Variants in TM2D1 observed in about 807,000 individuals in gnomAD.
The protein encoded by TM2D1 is TM2 domain containing 1, also known as TM2 domain-containing protein 1.
TM2D1 carries 15 observed loss-of-function variants against 28.4 expected under a neutral mutation model. That is an observed-to-expected ratio of 0.53 (90% CI 0.35 to 0.81). TM2D1 has a LOEUF of 0.81. Among genes scored for constraint, TM2D1 ranks in the 40% least tolerant of loss-of-function variants. The pLI, the probability that TM2D1 is intolerant of heterozygous loss-of-function variation, is 0.01. For synonymous variants in TM2D1, 93 were observed against 96.2 expected, an observed-to-expected ratio of 0.97 and a Z score of 0.20; for missense variants, 236 against 254.9, an observed-to-expected ratio of 0.93 and a Z score of 0.50.
chr1:61,712,200 C>G lies in TM2D1; in HGVS notation c.239-2763G>C, dbSNP rs1246377882. ...AAACATCCTACAGTGCACAAGATAG[C>G]CTCCCCACAACAATGAATTACCCAG... On this transcript the variant is annotated intron_variant, in intron 2 of 6. Coordinates refer to ENST00000606498, the MANE Select transcript of TM2D1 (RefSeq NM_032027.3). Among the ~76,000 whole-genome samples, 8 of 152,186 alleles carry G rather than the reference C, an allele frequency of 5.3e-5. No individual in the cohort carries two copies. In the East Asian group the frequency reaches 1.5e-3, roughly 29 times the overall value.
chr1:61,691,366 G>A (rs973049248), intron 5 of TM2D1, among the ~76,000 whole-genome samples: 3 of 151,584 alleles, frequency 2.0e-5, no homozygotes, highest in Non-Finnish European at 2.9e-5. Context: ...ATAGTGGTGC[G>A]TGCCTGTAAT....
At chr1:61,700,175 A>G (rs1644391590) in intron 4 of TM2D1, 1 of 1,526,840 alleles carries the variant, frequency 6.5e-7, no homozygotes, top group African/African-American at 1.4e-5. Flanking sequence ...CAATTTTCCT[A>G]TCCATAAAAC....
At chr1:61,706,583 T>C (rs2148054247) in intron 3 of TM2D1, among the ~76,000 whole-genome samples, 1 of 151,810 alleles carries the variant, frequency 6.6e-6, no homozygotes, top group South Asian at 2.1e-4. Context: ...CCAAAGCAGG[T>C]GGATCACCTG....
Position 61,721,587 on chromosome 1 carries a change from T to C in TM2D1, c.238+2126A>G, listed in dbSNP as rs115006259. On this transcript the variant is annotated intron_variant, in intron 2 of 6. Coordinates refer to ENST00000606498, the MANE Select transcript of TM2D1 (RefSeq NM_032027.3). ...AAGAAAAAGAAAAGTAAACATAGTT[T>C]GAGAATTTCACAATAGTTCTTCATA... Among the ~76,000 whole-genome samples, 489 of 151,372 alleles carry C rather than the reference T, an allele frequency of 3.2e-3. 2 individuals carry two copies. Among genetic ancestry groups the C allele is most frequent in the African/African-American group, 0.011 (461 of 41,366 alleles).
At chr1:61,700,823 C>G in intron 4 of TM2D1, 111 bp downstream of exon 4, 1 of 756,518 alleles carries the variant, frequency 1.3e-6, no homozygotes, top group Non-Finnish European at 2.1e-6. Flanking sequence ...CTACTCAACT[C>G]CAATTATATA....
intron 2 of TM2D1, among the ~76,000 whole-genome samples, chr1:61,721,279 C>A (rs113901894): frequency 1.3e-5 from 2 of 151,506 alleles, no homozygotes; most frequent in African/African-American, 4.8e-5. Flanking sequence ...CAGTGGCTCA[C>A]ACCTATAATC....
rs1644417040 is a variant in TM2D1 at position 61,703,379 on chromosome 1, T to C, written c.348-2354A>G. ...TATTACTATATATAATATACTAGTA[T>C]ATATTATATATACATATATATATGT... is the stretch of plus-strand genomic sequence containing the variant. On this transcript the variant is annotated intron_variant, in intron 3 of 6. Coordinates refer to ENST00000606498, the MANE Select transcript of TM2D1 (RefSeq NM_032027.3). 3.4e-5 allele frequency among the ~76,000 whole-genome samples: 5 copies of C among 146,858 alleles called. No individual in the cohort carries two copies. In the South Asian group the frequency reaches 1.1e-3, roughly 31 times the overall value.
intron 5 of TM2D1, among the ~76,000 whole-genome samples, chr1:61,688,551 C>T (rs576603314): frequency 4.6e-5 from 7 of 152,126 alleles, no homozygotes; most frequent in Non-Finnish European, 8.8e-5. Context: ...GGTGAAATCC[C>T]GTGTTTACTA....
At chr1:61,684,767 CTCTT>C (rs1644271572) in intron 5 of TM2D1, among the ~76,000 whole-genome samples, 2 of 151,858 alleles carry the variant, frequency 1.3e-5, no homozygotes, top group African/African-American at 4.8e-5. Context: ...GAAGTTTTCT[CTCTT>C]TCATTTGTTT....
At chr1:61,687,056 G>C (rs1644290232) in intron 5 of TM2D1, 1 of 847,644 alleles carries the variant, frequency 1.2e-6, no homozygotes, top group Non-Finnish European at 1.4e-6. Context: ...GAAATATCCT[G>C]AAGCTGGCTG....
chr1:61,695,631 T>C (rs1644358284), intron 4 of TM2D1, among the ~76,000 whole-genome samples: 1 of 152,140 alleles, frequency 6.6e-6, no homozygotes, highest in South Asian at 2.1e-4. Flanking sequence ...CTAAAAATCC[T>C]AAGAGAGGAT....
intron 4 of TM2D1, 109 bp downstream of exon 4, chr1:61,700,824 CA>C: frequency 1.3e-6 from 1 of 764,048 alleles, no homozygotes; most frequent in Non-Finnish European, 2.1e-6. Context: ...TACTCAACTC[CA>C]ATTATATAGA....
chr1:61,700,328 A>G (rs190493033), intron 4 of TM2D1: 4 of 1,414,848 alleles, frequency 2.8e-6, no homozygotes, highest in South Asian at 1.7e-5. Context: ...TAAGTCTTCA[A>G]TAAGGGCAGG....
At chr1:61,684,295 C>T (rs1644268006) in intron 5 of TM2D1, among the ~76,000 whole-genome samples, 1 of 152,108 alleles carries the variant, frequency 6.6e-6, no homozygotes, top group Admixed American at 6.5e-5. Flanking sequence ...AGAAATCAAT[C>T]CTGAGAGCTT....
chr1:61,723,018 A>G (rs373010744), intron 2 of TM2D1, among the ~76,000 whole-genome samples: 3 of 152,194 alleles, frequency 2.0e-5, no homozygotes, highest in African/African-American at 7.2e-5. Flanking sequence ...TTCTATCCCA[A>G]AAGAAGTCTG....
intron 5 of TM2D1, among the ~76,000 whole-genome samples, chr1:61,690,312 C>A (rs1267238263): frequency 6.6e-6 from 1 of 151,804 alleles, no homozygotes; most frequent in Non-Finnish European, 1.5e-5. Context: ...CAAAAATTAG[C>A]CAGGTGTGGT....
intron 2 of TM2D1, among the ~76,000 whole-genome samples, chr1:61,723,460 G>A (rs2148072577): frequency 6.6e-6 from 1 of 152,218 alleles, no homozygotes; most frequent in East Asian, 1.9e-4. Context: ...ACTGAATCTG[G>A]GAACATCCAC....
At chr1:61,711,229 C>G (rs1644476382) in intron 2 of TM2D1, among the ~76,000 whole-genome samples, 1 of 149,818 alleles carries the variant, frequency 6.7e-6, no homozygotes, top group Non-Finnish European at 1.5e-5. Flanking sequence ...ACATGAGAGG[C>G]TGGGGCAGGA....
At chr1:61,714,442 G>A (rs1324621750) in intron 2 of TM2D1, among the ~76,000 whole-genome samples, 2 of 152,090 alleles carry the variant, frequency 1.3e-5, no homozygotes, top group African/African-American at 4.8e-5. Context: ...TCAGGAGGCT[G>A]AGGCAGGAAA....
Sources: gnomAD v4.1 joint callset for allele counts (sites outside exome capture counted in the v4.1 genomes callset) on GRCh38, gnomAD v4.1.1 for gene constraint, MANE v1.5 for transcripts, NCBI Gene and HGNC (gene_info 2026-07-23, HGNC 2026-07-21) for gene names.